The following STAB2 variants were observed in gnomAD, a reference collection of about 807,000 sequenced individuals.
The protein encoded by STAB2 is stabilin-2.
Under a neutral mutation model 338.1 loss-of-function variants are expected in STAB2, and 288 were observed. The ratio of observed to expected loss-of-function variants is 0.85; its 90% CI spans 0.77 to 0.94. The LOEUF (loss-of-function observed/expected upper bound fraction) is 0.94. STAB2 is among the 40% of genes least tolerant of loss of function. STAB2 has a pLI of 0.00. For missense variants in STAB2, 3,141 were observed against 3,210.1 expected (o/e 0.98, Z 0.52); for synonymous variants, 1,202 against 1,193.3 (o/e 1.01, Z -0.15).
intron 9 of STAB2, among the ~76,000 whole-genome samples, chr12:103,641,331 C>T (rs552347353): frequency 1.3e-5 from 2 of 152,156 alleles, no homozygotes; most frequent in African/African-American, 4.8e-5. Flanking sequence ...AGGTTCAAAT[C>T]CCAAGTCTGC....
intron 30 of STAB2, among the ~76,000 whole-genome samples, chr12:103,691,363 G>GT (rs1339187733): frequency 1.3e-5 from 2 of 152,224 alleles, no homozygotes; most frequent in African/African-American, 2.4e-5. Flanking sequence ...TCTATGCGTA[G>GT]TAATACCTAC....
At chr12:103,663,029 C>T in intron 18 of STAB2, 31 bp downstream of exon 18, 1 of 1,612,322 alleles carries the variant, frequency 6.2e-7, no homozygotes, top group Non-Finnish European at 8.5e-7. Flanking sequence ...AGTAAGGGCC[C>T]CAAACAGCCC....
rs371403496 is a variant in STAB2, at chr12:103,762,431, T to A, written c.7488+29T>A. ...AGAGAGAAAAATGGGAACATGATGA[T>A]GGGGTCCTCTCCAAAAACCCAGTCC... On this transcript the variant is annotated intron_variant, in intron 67 of 68. Transcript: ENST00000388887. 37 of 1,614,120 alleles carry A rather than the reference T, an allele frequency of 2.3e-5. No homozygotes were observed. In the African/African-American group the frequency reaches 3.6e-4, roughly 16 times the overall value.
intron 3 of STAB2, among the ~76,000 whole-genome samples, chr12:103,619,097 C>G (rs191484216): frequency 4.1e-4 from 62 of 152,340 alleles, no homozygotes; most frequent in African/African-American, 1.4e-3. Context: ...CATTAAATCT[C>G]TTTCCTTTTT....
chr12:103,654,526 T>C (rs1262776239), intron 12 of STAB2, 29 bp from the exon 13 acceptor site: 6 of 1,609,170 alleles, frequency 3.7e-6, no homozygotes, highest in Middle Eastern at 1.6e-4. Context: ...ACCATAGTAA[T>C]CTTATTTTAT....
In STAB2 at chr12:103,733,263, G is replaced by A. The variant is rs956142722; in HGVS notation, c.5460+81G>A. The A allele has an allele frequency of 2.0e-6, 3 of 1,517,110 alleles. No individual in the cohort carries two copies. In the Admixed American group the frequency reaches 5.2e-5, roughly 26 times the overall value. 94.0% of individuals were successfully genotyped at this position (1,517,110 alleles called of 1,614,324 possible). ...TTCAGCACCAAGGCATTGTGGCCTA[G>A]GAACTGTCAGTGTGTCCCTGTCACC... On this transcript the variant is annotated intron_variant, in intron 51 of 68. Transcript: ENST00000388887.
intron 60 of STAB2, among the ~76,000 whole-genome samples, chr12:103,752,923 C>A (rs1883793108): frequency 2.6e-5 from 4 of 151,860 alleles, no homozygotes; most frequent in African/African-American, 4.8e-5. Flanking sequence ...GGAAATGCAC[C>A]AAAATGTTAG....
intron 3 of STAB2, among the ~76,000 whole-genome samples, chr12:103,607,535 C>G (rs372226077): frequency 6.7e-6 from 1 of 149,754 alleles, no homozygotes; most frequent in Non-Finnish European, 1.5e-5. Flanking sequence ...ATCCCTCCCT[C>G]CTCCCCCCAC....
At chr12:103,656,559 T>G (rs1403678821) in intron 15 of STAB2, among the ~76,000 whole-genome samples, 1 of 152,212 alleles carries the variant, frequency 6.6e-6, no homozygotes, top group Admixed American at 6.5e-5. Flanking sequence ...CAGCCCACAC[T>G]GTTTTGGGAA....
chr12:103,677,431 G>A (rs1449179707), intron 24 of STAB2, 22 bp from the exon 25 acceptor site: 32 of 1,594,224 alleles, frequency 2.0e-5, no homozygotes, highest in Non-Finnish European at 2.7e-5. Context: ...CAGAGGCTTT[G>A]CTTTTTCTTT....
At chr12:103,756,147 A>C (rs1884088044) in intron 63 of STAB2, among the ~76,000 whole-genome samples, 1 of 152,208 alleles carries the variant, frequency 6.6e-6, no homozygotes, top group Non-Finnish European at 1.5e-5. Flanking sequence ...TAGTTAGCTA[A>C]GCCTGCCTGG....
intron 56 of STAB2, among the ~76,000 whole-genome samples, 190 bp downstream of exon 56, chr12:103,742,744 C>A (rs1283830637): frequency 6.6e-6 from 1 of 152,148 alleles, no homozygotes; most frequent in Non-Finnish European, 1.5e-5. Flanking sequence ...AAAAGCTTCG[C>A]CTCTAGAAGT....
intron 18 of STAB2, among the ~76,000 whole-genome samples, chr12:103,663,841 A>G (rs11111708): frequency 0.56 from 84,710 of 151,998 alleles, 24,711 homozygotes; most frequent in East Asian, 0.8. Context: ...TCTGGGATCC[A>G]ATCAGGGTTT....
At chr12:103,715,917 G>A (rs150285516) in intron 43 of STAB2, 29 bp downstream of exon 43, 17 of 1,612,666 alleles carry the variant, frequency 1.1e-5, no homozygotes, top group African/African-American at 1.3e-5. Context: ...AGGCCCTTAG[G>A]TTTCCTAAAA....
intron 31 of STAB2, among the ~76,000 whole-genome samples, chr12:103,694,532 A>G (rs1294997084): frequency 5.3e-5 from 8 of 152,124 alleles, no homozygotes; most frequent in Non-Finnish European, 1.2e-4. Flanking sequence ...TAGTGCAAAA[A>G]CAGACTTAGA....
rs1873665579 is a variant in STAB2, at chr12:103,650,586, T to C, written c.1257+8T>C. 6.2e-7 allele frequency: 1 copy of C among 1,611,582 alleles called. No homozygotes were observed. The highest frequency in any genetic ancestry group is 1.3e-5 in the African/African-American group (1 of 74,974). On this transcript the variant is annotated splice_region_variant and intron_variant, in intron 11 of 68. Transcript: ENST00000388887. Reference sequence around the variant, plus strand: ...GGACTGAAAGGATTCAATGTGAGTATTTAAAATGACCCTACACCAAGGGGC... The same window carrying C: ...GGACTGAAAGGATTCAATGTGAGTACTTAAAATGACCCTACACCAAGGGGC...
chr12:103,596,760 G>A (rs1468924096), intron 3 of STAB2, among the ~76,000 whole-genome samples: 4 of 151,994 alleles, frequency 2.6e-5, no homozygotes, highest in Non-Finnish European at 4.4e-5. Context: ...TGTGCTATGT[G>A]CAGACCAATG....
intron 18 of STAB2, among the ~76,000 whole-genome samples, chr12:103,664,314 T>A (rs1271126655): frequency 1.3e-5 from 2 of 152,118 alleles, no homozygotes; most frequent in South Asian, 4.2e-4. Flanking sequence ...CGGCTAATTT[T>A]TTTGTATTTT....
chr12:103,733,285 C>A, intron 51 of STAB2, 103 bp downstream of exon 51: 1 of 1,365,596 alleles, frequency 7.3e-7, no homozygotes, highest in South Asian at 1.3e-5. Flanking sequence ...GTGTCCCTGT[C>A]ACCACTGTAT....
Sources: allele counts gnomAD v4.1 joint callset (sites outside exome capture counted in the v4.1 genomes callset), GRCh38; gene constraint gnomAD v4.1.1; transcripts MANE v1.5; gene names NCBI Gene and HGNC (gene_info 2026-07-23, HGNC 2026-07-21).